Variants in RASA4 observed in about 807,000 individuals in gnomAD.
RASA4 encodes the protein RAS p21 protein activator 4, also known as ras GTPase-activating protein 4.
Under a neutral mutation model 24.0 loss-of-function variants are expected in RASA4, and 5 were observed. That is an observed-to-expected ratio of 0.21 (90% CI 0.11 to 0.44). The LOEUF (loss-of-function observed/expected upper bound fraction) is 0.44, where lower values mean the gene tolerates loss of function less well. Ranked by LOEUF, RASA4 falls within the 20% of genes least tolerant of loss-of-function variation. The probability of loss-of-function intolerance (pLI) is 0.99; values close to 1 mark genes in which losing one functional copy is unlikely to be tolerated. For synonymous variants in RASA4, 9 were observed against 132.7 expected (o/e 0.07, Z 6.41); for missense variants, 38 against 293.0 (o/e 0.13, Z 6.35).
At chr7:102,591,039 T>G (rs1231448441) in intron 16 of RASA4, among the ~76,000 whole-genome samples, 1 of 135,848 alleles carries the variant, frequency 7.4e-6, no homozygotes, top group Admixed American at 7.2e-5. Flanking sequence ...TCTGAGTGCT[T>G]TGGGAGGCTG....
intron 5 of RASA4, among the ~76,000 whole-genome samples, chr7:102,602,658 C>T (rs1790401765): frequency 1.0e-5 from 1 of 96,220 alleles, no homozygotes; most frequent in Admixed American, 1.1e-4. Flanking sequence ...CAGCTGCAGG[C>T]CAGTGGCTGC....
At chr7:102,591,585 C>G (rs1789995691) in intron 16 of RASA4, among the ~76,000 whole-genome samples, 1 of 117,452 alleles carries the variant, frequency 8.5e-6, no homozygotes, top group African/African-American at 3.4e-5. Context: ...TCAGAGAGGG[C>G]TGTACAAGGT....
intron 15 of RASA4, among the ~76,000 whole-genome samples, 166 bp downstream of exon 15, chr7:102,592,824 CACAA>C (rs1163453557): frequency 2.0e-4 from 31 of 151,798 alleles, no homozygotes; most frequent in South Asian, 4.2e-4. Flanking sequence ...TCACAGGAAG[CACAA>C]ACAGTGGTGC....
intron 5 of RASA4, among the ~76,000 whole-genome samples, chr7:102,602,907 G>T: frequency 6.7e-6 from 1 of 149,062 alleles, no homozygotes; most frequent in African/African-American, 2.5e-5. Context: ...GGGCGGCCCT[G>T]CCCTTTCTCC....
chr7:102,603,862 C>A (rs2133471013), intron 5 of RASA4, among the ~76,000 whole-genome samples: 2 of 111,592 alleles, frequency 1.8e-5, no homozygotes, highest in Non-Finnish European at 2.0e-5. Context: ...AAAAAAAAAC[C>A]ACCAAAAAAA....
chr7:102,597,719 C>T (rs539519998), intron 8 of RASA4, among the ~76,000 whole-genome samples: 3,940 of 137,724 alleles, frequency 0.029, 34 homozygotes, highest in Non-Finnish European at 0.045. Context: ...CCACCGCACC[C>T]GGCTGTTTTC....
At chr7:102,590,891 G>C (rs1789959907) in intron 16 of RASA4, among the ~76,000 whole-genome samples, 1 of 140,166 alleles carries the variant, frequency 7.1e-6, no homozygotes, top group Non-Finnish European at 1.5e-5. Context: ...GGTGAGCCAA[G>C]ATCGCACCAT....
chr7:102,599,681 A>T (rs1790364225), intron 8 of RASA4, among the ~76,000 whole-genome samples, 179 bp downstream of exon 8: 1 of 144,374 alleles, frequency 6.9e-6, no homozygotes, highest in African/African-American at 2.5e-5. Context: ...GGGGAGGTGG[A>T]GCCCAGCCAG....
intron 2 of RASA4, among the ~76,000 whole-genome samples, chr7:102,610,870 T>G (rs376042257): frequency 0.027 from 3,570 of 130,198 alleles, 9 homozygotes; most frequent in South Asian, 0.078. Context: ...CAGAGTCCGG[T>G]GAGAGGCCCT....
At chr7:102,592,041 G>A (rs1425729395) in intron 16 of RASA4, among the ~76,000 whole-genome samples, 1 of 151,458 alleles carries the variant, frequency 6.6e-6, no homozygotes. Context: ...CTCCATGTTG[G>A]CCAGGCTGGT....
intron 5 of RASA4, among the ~76,000 whole-genome samples, chr7:102,603,204 G>T (rs1370416275): frequency 7.1e-6 from 1 of 140,028 alleles, no homozygotes; most frequent in Non-Finnish European, 1.6e-5. Context: ...CAGGTGATCC[G>T]CCTGCCTTGG....
At chr7:102,602,968 T>C (rs113905264) in intron 5 of RASA4, among the ~76,000 whole-genome samples, 13,558 of 126,238 alleles carry the variant, frequency 0.11, 3 homozygotes, top group Admixed American at 0.16. Context: ...CTCCAGCTTT[T>C]TTTTTTTTTT....
chr7:102,597,769 C>A (rs1444426564), intron 8 of RASA4, among the ~76,000 whole-genome samples: 1 of 128,568 alleles, frequency 7.8e-6, no homozygotes, highest in East Asian at 2.4e-4. Context: ...GGCTGGAGTG[C>A]AGTGGTGGGA....
intron 11 of RASA4, among the ~76,000 whole-genome samples, chr7:102,594,914 A>C: frequency 2.0e-5 from 1 of 50,906 alleles, no homozygotes. Flanking sequence ...GGAGTCTAGC[A>C]CGGGGCCCAG....
chr7:102,599,561 C>T (rs1413087959), intron 8 of RASA4, among the ~76,000 whole-genome samples: 19 of 128,330 alleles, frequency 1.5e-4, no homozygotes, highest in Non-Finnish European at 1.9e-4. Flanking sequence ...GGCGTGAACC[C>T]GGGAGGCGGA....
intron 16 of RASA4, among the ~76,000 whole-genome samples, chr7:102,590,911 G>A (rs62483024): frequency 0.13 from 15,432 of 122,290 alleles, 5 homozygotes; most frequent in Non-Finnish European, 0.17. Flanking sequence ...TTGCACTCTG[G>A]CCTGGGCAAC....
intron 11 of RASA4, among the ~76,000 whole-genome samples, 189 bp downstream of exon 11, chr7:102,595,116 C>T (rs1790130693): frequency 2.6e-5 from 2 of 76,920 alleles, no homozygotes; most frequent in Admixed American, 1.5e-4. Context: ...TTAAGTGATC[C>T]GCCCGCCTCA....
intron 16 of RASA4, among the ~76,000 whole-genome samples, chr7:102,590,969 T>C (rs1296037132): frequency 6.8e-6 from 1 of 146,016 alleles, no homozygotes; most frequent in African/African-American, 2.6e-5. Flanking sequence ...GGGACCAGAA[T>C]TAAATAATGC....
Position 102,580,125 on chromosome 7 carries a change from A to G in RASA4, c.*2646T>C. ...ACACCTTTAAAAATTAATAATTCCA[A>G]TCATCCTATAGTTGATCAGTGTTCA... On this transcript the variant is annotated 3_prime_UTR_variant, in exon 21 of 21. Coordinates refer to ENST00000262940, the MANE Select transcript of RASA4 (RefSeq NM_006989.6). 1 of 327,788 alleles carries G rather than the reference A, an allele frequency of 3.1e-6. No homozygotes were observed. The allele number at this position is 327,788 out of a possible 1,614,324, so 20.3% of individuals were successfully genotyped here.
Sources: allele counts gnomAD v4.1 joint callset (sites outside exome capture counted in the v4.1 genomes callset), GRCh38; gene constraint gnomAD v4.1.1; transcripts MANE v1.5; gene names NCBI Gene and HGNC (gene_info 2026-07-23, HGNC 2026-07-21).